Variants in CCDC170 observed in about 807,000 individuals in gnomAD.
The protein encoded by CCDC170 is coiled-coil domain containing 170.
CCDC170 carries 69 observed loss-of-function variants against 72.6 expected under a neutral mutation model. The observed-to-expected ratio is 0.95, with a 90% CI of 0.78 to 1.16. The LOEUF is 1.16. Ranked by LOEUF, CCDC170 falls within the 50% of genes most tolerant of loss-of-function variation. CCDC170 has a pLI of 0.00. For synonymous variants in CCDC170, 300 were observed against 303.9 expected (o/e 0.99, Z 0.13); for missense variants, 852 against 832.5 (o/e 1.02, Z -0.29).
At chr6:151,529,285 T>C (rs1583011205) in intron 1 of CCDC170, among the ~76,000 whole-genome samples, 1 of 152,226 alleles carries the variant, frequency 6.6e-6, no homozygotes, top group Non-Finnish European at 1.5e-5. Context: ...TTCAATAGTA[T>C]AGAAATATTT....
intron 1 of CCDC170, among the ~76,000 whole-genome samples, chr6:151,514,225 T>C (rs867540247): frequency 3.2e-4 from 48 of 150,836 alleles, no homozygotes; most frequent in Admixed American, 1.3e-3. Flanking sequence ...AACTTGAGAC[T>C]GGGAGGTCAA....
At chr6:151,581,925 T>C (rs1157180537) in intron 6 of CCDC170, among the ~76,000 whole-genome samples, 1 of 152,214 alleles carries the variant, frequency 6.6e-6, no homozygotes, top group Non-Finnish European at 1.5e-5. Context: ...GCTTGAAATA[T>C]TCAGTAAAAC....
intron 9 of CCDC170, among the ~76,000 whole-genome samples, chr6:151,612,385 A>T (rs1776887671): frequency 6.6e-6 from 1 of 152,202 alleles, no homozygotes; most frequent in African/African-American, 2.4e-5. Context: ...ATAATCAGGA[A>T]TCGAGCAACT....
chr6:151,575,243 C>T lies in CCDC170; in HGVS notation c.1092+1752C>T, dbSNP rs78041848. Among the ~76,000 whole-genome samples, 1,483 of 151,908 alleles carry T rather than the reference C, an allele frequency of 9.8e-3. 26 individuals carry two copies. Among genetic ancestry groups the T allele is most frequent in the African/African-American group, 0.034 (1,414 of 41,460 alleles). On this transcript the variant is annotated intron_variant, in intron 6 of 10. Coordinates refer to ENST00000239374, the MANE Select transcript of CCDC170 (RefSeq NM_025059.4). The stretch of plus-strand genomic sequence containing the variant: ...GTCGTGCTTGCTTGAAAGGAGAAAA[C>T]GCATTTTACCATCTTTTAATGTTAC...
At chr6:151,506,849 C>T (rs1217129192) in intron 1 of CCDC170, among the ~76,000 whole-genome samples, 7 of 152,162 alleles carry the variant, frequency 4.6e-5, no homozygotes, top group Non-Finnish European at 7.3e-5. Context: ...ACTAAGATTT[C>T]CCAAGGAACA....
intron 6 of CCDC170, among the ~76,000 whole-genome samples, chr6:151,582,986 C>CTTTTTTT (rs35947074): frequency 1.1e-4 from 10 of 94,232 alleles, no homozygotes; most frequent in African/African-American, 1.5e-4. Flanking sequence ...TGGAGTAGCA[C>CTTTTTTT]TTTTTTTTTT....
Position 151,593,267 on chromosome 6 carries a change from A to G in CCDC170, c.1454A>G (p.Asn485Ser), listed in dbSNP as rs1258016729. The G allele has an allele frequency of 1.2e-6, 2 of 1,613,628 alleles. No homozygotes were observed. The highest frequency in any genetic ancestry group is 1.7e-6 in the Non-Finnish European group (2 of 1,179,710). Residue 485 changes from asparagine to serine, a missense_variant, in exon 8 of 11, where the codon AAT (asparagine) becomes AGT (serine). Physicochemically the swap from Asn to Ser is conservative, Grantham distance 46. Transcript: ENST00000239374. ...AVIENKTIAH[N>S]LQRKLKTQKE... ...ATTGAGAACAAGACCATTGCCCACA[A>G]TTTGCAGAGAAAGGTAGGAGATATT...
chr6:151,533,117 G>A (rs60665208), intron 1 of CCDC170, among the ~76,000 whole-genome samples: 6,403 of 148,782 alleles, frequency 0.043, 414 homozygotes, highest in African/African-American at 0.14. Context: ...GCAGTGGCAC[G>A]GTCTCGGCTT....
chr6:151,588,622 T>C lies in CCDC170; in HGVS notation c.1293+2533T>C, dbSNP rs1776489073. On this transcript the variant is annotated intron_variant, in intron 7 of 10. Coordinates refer to ENST00000239374, the MANE Select transcript of CCDC170 (RefSeq NM_025059.4). ...TTTTTCTGTTAGATGTCTGTAAAGG[T>C]GTGATGGTGGAAAATTTGATTTTGT... 2.0e-5 allele frequency among the ~76,000 whole-genome samples: 3 copies of C among 152,038 alleles called. No individual in the cohort carries two copies. In the South Asian group the frequency reaches 6.2e-4, roughly 32 times the overall value.
At position 151,576,563 on chromosome 6, in the gene CCDC170, T is replaced by C. The variant is rs955801676; in HGVS notation, c.1092+3072T>C. Among the ~76,000 whole-genome samples, 9 of 152,274 alleles carry C rather than the reference T, an allele frequency of 5.9e-5. No homozygotes were observed. The South Asian group carries it at 1.0e-3, about 18-fold the overall frequency. On this transcript the variant is annotated intron_variant, in intron 6 of 10. Coordinates refer to ENST00000239374, the MANE Select transcript of CCDC170 (RefSeq NM_025059.4). ...AATGATGTAAATTGGTTAAGCTGGG[T>C]ATGCTTTCTCCCACTCCCCATAAAA...
At chr6:151,514,292 T>A (rs191220767) in intron 1 of CCDC170, among the ~76,000 whole-genome samples, 226 of 130,702 alleles carry the variant, frequency 1.7e-3, no homozygotes, top group African/African-American at 6.7e-3. Context: ...CAGAGTGAAA[T>A]CCTGGAAAGA....
intron 6 of CCDC170, among the ~76,000 whole-genome samples, chr6:151,579,291 A>C (rs904332724): frequency 2.6e-5 from 4 of 152,206 alleles, no homozygotes; most frequent in Admixed American, 2.0e-4. Context: ...TCACTCAGGC[A>C]CTGGCATTTG....
intron 5 of CCDC170, among the ~76,000 whole-genome samples, chr6:151,557,384 G>A (rs1782998446): frequency 1.3e-5 from 2 of 149,888 alleles, no homozygotes; most frequent in African/African-American, 4.9e-5. Context: ...ACTGCAGCTT[G>A]GGTGACAGAG....
intron 1 of CCDC170, among the ~76,000 whole-genome samples, chr6:151,510,727 GT>G (rs1345587473): frequency 6.6e-6 from 1 of 151,630 alleles, no homozygotes; most frequent in African/African-American, 2.4e-5. Context: ...AATTTTATAA[GT>G]AAGTTTTTTT....
At chr6:151,587,035 C>T (rs1168827459) in intron 7 of CCDC170, among the ~76,000 whole-genome samples, 2 of 152,056 alleles carry the variant, frequency 1.3e-5, no homozygotes, top group East Asian at 1.9e-4. Flanking sequence ...CTGCCCGCCT[C>T]GGCCTCCCAA....
chr6:151,571,454 A>G (rs1285228795), intron 5 of CCDC170, among the ~76,000 whole-genome samples: 5 of 152,204 alleles, frequency 3.3e-5, no homozygotes, highest in Admixed American at 3.3e-4. Flanking sequence ...AATCAATTTT[A>G]AAGATGCTCA....
intron 1 of CCDC170, among the ~76,000 whole-genome samples, chr6:151,507,877 T>C (rs533113285): frequency 2.3e-3 from 350 of 150,670 alleles, no homozygotes; most frequent in Non-Finnish European, 4.1e-3. Flanking sequence ...GCCGAGATCG[T>C]GCCACTGTAC....
At chr6:151,498,410 A>G (rs529956461) in intron 1 of CCDC170, among the ~76,000 whole-genome samples, 19 of 152,358 alleles carry the variant, frequency 1.2e-4, no homozygotes, top group African/African-American at 3.8e-4. Flanking sequence ...TAAAATACAT[A>G]TAACATAAAA....
intron 1 of CCDC170, among the ~76,000 whole-genome samples, chr6:151,529,142 C>T (rs1340940813): frequency 1.3e-5 from 2 of 151,968 alleles, no homozygotes; most frequent in African/African-American, 2.4e-5. Context: ...CAATACTTTT[C>T]CTCCTGCATG....
Sources: gnomAD v4.1 joint callset for allele counts (sites outside exome capture counted in the v4.1 genomes callset) on GRCh38, gnomAD v4.1.1 for gene constraint, MANE v1.5 for transcripts, NCBI Gene and HGNC (gene_info 2026-07-23, HGNC 2026-07-21) for gene names.